The following TMEM132B variants were observed in gnomAD, a reference collection of about 807,000 sequenced individuals.
TMEM132B encodes the protein transmembrane protein 132B.
A neutral mutation model predicts 90.8 loss-of-function variants in TMEM132B; 18 were observed. The ratio of observed to expected loss-of-function variants is 0.20; its 90% CI spans 0.14 to 0.29. The LOEUF is 0.29. Ranked by LOEUF, TMEM132B falls within the 10% of genes least tolerant of loss-of-function variation. The pLI is 1.00. For synonymous variants in TMEM132B, 504 were observed against 523.3 expected (o/e 0.96, Z 0.50); for missense variants, 1,096 against 1,326.8 (o/e 0.83, Z 2.70).
rs35364069 is a variant in TMEM132B at position 125,511,851 on chromosome 12, CA to C, written c.1107-7571del. On this transcript the variant is annotated intron_variant, in intron 3 of 8. Transcript: ENST00000682704. ...TGGGCGACAGAGCAAGACTCTATCT[CA>C]AAAAAAAAAAAAAAAAGAAAAGAAA... is the stretch of plus-strand genomic sequence containing the variant. 4.0e-3 allele frequency among the ~76,000 whole-genome samples: 443 copies of C among 111,140 alleles called. 3 individuals are homozygous for C. In the South Asian group the frequency reaches 0.042, roughly 11 times the overall value. The allele number at this position is 111,140 out of a possible 152,430, so 72.9% of individuals were successfully genotyped here. A position where few individuals can be genotyped will look rare whatever the true frequency, so the allele number is the denominator to read the frequency against.
intron 3 of TMEM132B, among the ~76,000 whole-genome samples, chr12:125,487,691 G>T (rs1047941011): frequency 6.6e-6 from 1 of 152,166 alleles, no homozygotes; most frequent in Non-Finnish European, 1.5e-5. Flanking sequence ...AGAGAGGCTT[G>T]GAAATGTATC....
chr12:125,285,753 C>T (rs1875333451), intron 1 of TMEM132B, among the ~76,000 whole-genome samples: 1 of 152,202 alleles, frequency 6.6e-6, no homozygotes, highest in Admixed American at 6.5e-5. Flanking sequence ...CAGGTCTGGC[C>T]GCTGCCCCAT....
chr12:125,572,750 A>G (rs567813389), intron 4 of TMEM132B, among the ~76,000 whole-genome samples: 3 of 152,358 alleles, frequency 2.0e-5, no homozygotes, highest in South Asian at 2.1e-4. Flanking sequence ...AAACAATTAT[A>G]GTAATAAATA....
intron 2 of TMEM132B, among the ~76,000 whole-genome samples, chr12:125,401,685 T>A (rs1879326284): frequency 6.6e-6 from 1 of 152,196 alleles, no homozygotes; most frequent in Admixed American, 6.5e-5. Context: ...CACATAAATA[T>A]ACATTTTTAT....
chr12:125,521,408 AG>A (rs1883302833), intron 4 of TMEM132B, among the ~76,000 whole-genome samples: 1 of 152,238 alleles, frequency 6.6e-6, no homozygotes, highest in Admixed American at 6.5e-5. Context: ...TAAGGGCACT[AG>A]GGTACATAGC....
At chr12:125,236,722 A>G (rs1001416652) in intron 1 of TMEM132B, among the ~76,000 whole-genome samples, 2 of 152,160 alleles carry the variant, frequency 1.3e-5, no homozygotes, top group Admixed American at 1.3e-4. Flanking sequence ...CACCACTTCA[A>G]GCTGTCTCCT....
At chr12:125,421,284 C>G (rs777734135) in intron 3 of TMEM132B, among the ~76,000 whole-genome samples, 2 of 152,172 alleles carry the variant, frequency 1.3e-5, no homozygotes, top group Non-Finnish European at 2.9e-5. Context: ...AAAGACATAC[C>G]TAAGACTGGG....
chr12:125,429,237 T>C (rs560266045), intron 3 of TMEM132B, among the ~76,000 whole-genome samples: 25 of 151,950 alleles, frequency 1.6e-4, no homozygotes, highest in Non-Finnish European at 3.2e-4. Context: ...TCTCACTCTA[T>C]CACCCAGGCT....
At chr12:125,381,823 T>C (rs933449616) in intron 2 of TMEM132B, among the ~76,000 whole-genome samples, 1 of 152,228 alleles carries the variant, frequency 6.6e-6, no homozygotes, top group African/African-American at 2.4e-5. Context: ...CCACAGGTGA[T>C]GTGCATAGGT....
At chr12:125,367,786 A>G (rs1878177625) in intron 2 of TMEM132B, among the ~76,000 whole-genome samples, 1 of 152,174 alleles carries the variant, frequency 6.6e-6, no homozygotes, top group Non-Finnish European at 1.5e-5. Flanking sequence ...GAGTTTACGT[A>G]GGACCAACTC....
intron 3 of TMEM132B, among the ~76,000 whole-genome samples, chr12:125,418,130 A>G (rs1251918853): frequency 6.6e-6 from 1 of 152,146 alleles, no homozygotes; most frequent in African/African-American, 2.4e-5. Flanking sequence ...TCCATGGTCT[A>G]TGCTTAGGAA....
chr12:125,588,670 A>T (rs945570135), intron 5 of TMEM132B, among the ~76,000 whole-genome samples: 25 of 152,232 alleles, frequency 1.6e-4, no homozygotes, highest in Non-Finnish European at 3.5e-4. Flanking sequence ...AGATTTTTTT[A>T]AAAAAATGTT....
intron 5 of TMEM132B, among the ~76,000 whole-genome samples, chr12:125,637,880 C>T (rs187717145): frequency 9.2e-5 from 14 of 152,282 alleles, no homozygotes; most frequent in East Asian, 5.8e-4. Flanking sequence ...ACTGAAAAGA[C>T]GCATTAGGAT....
chr12:125,359,621 C>T (rs1428901960), intron 2 of TMEM132B, among the ~76,000 whole-genome samples: 3 of 152,184 alleles, frequency 2.0e-5, no homozygotes, highest in Admixed American at 6.5e-5. Context: ...AGACAATCAA[C>T]ACTGATTTTA....
intron 5 of TMEM132B, among the ~76,000 whole-genome samples, chr12:125,607,719 C>G (rs1465754336): frequency 6.6e-6 from 1 of 152,104 alleles, no homozygotes; most frequent in African/African-American, 2.4e-5. Context: ...TTTTCATCAC[C>G]CCCATATTAA....
chr12:125,264,208 C>A lies in TMEM132B; in HGVS notation c.67+77342C>A, dbSNP rs375649863. ...TCCATCGTCACATCGCTTCCTCTGC[C>A]TCTGCCTCTGCCTCTCCTGCCTCCC... is the stretch of plus-strand genomic sequence containing the variant. On this transcript the variant is annotated intron_variant, in intron 1 of 8. Transcript: ENST00000682704. Among the ~76,000 whole-genome samples the A allele has an allele frequency of 1.4e-4, 21 of 152,302 alleles. No individual in the cohort carries two copies. The East Asian group carries it at 2.7e-3, about 20-fold the overall frequency.
chr12:125,276,031 G>A lies in TMEM132B; in HGVS notation c.68-73421G>A, dbSNP rs536060227. Among the ~76,000 whole-genome samples the A allele has an allele frequency of 2.0e-5, 3 of 152,222 alleles. No individual in the cohort carries two copies. In the South Asian group the frequency reaches 6.2e-4, roughly 32 times the overall value. On this transcript the variant is annotated intron_variant, in intron 1 of 8. Transcript: ENST00000682704. ...GCCCAGCCTAAAATTATTTTTAAAG[G>A]TAAATACTAATGAAAATTGACAAAC...
At chr12:125,230,769 G>T (rs1873802527) in intron 1 of TMEM132B, among the ~76,000 whole-genome samples, 2 of 151,826 alleles carry the variant, frequency 1.3e-5, no homozygotes, top group South Asian at 4.2e-4. Context: ...CTCGCAAAGT[G>T]CTGGGATTAC....
At chr12:125,404,313 A>G (rs1253382566) in intron 2 of TMEM132B, among the ~76,000 whole-genome samples, 1 of 152,018 alleles carries the variant, frequency 6.6e-6, no homozygotes, top group African/African-American at 2.4e-5. Flanking sequence ...AAATGGATCT[A>G]CTCTGGCAAA....
Sources: gnomAD v4.1 joint callset for allele counts (sites outside exome capture counted in the v4.1 genomes callset) on GRCh38, gnomAD v4.1.1 for gene constraint, MANE v1.5 for transcripts, NCBI Gene and HGNC (gene_info 2026-07-23, HGNC 2026-07-21) for gene names.